Variants in CAVIN4 observed in about 807,000 individuals in gnomAD.
CAVIN4 encodes caveolae-associated protein 4.
In CAVIN4, 10 loss-of-function variants were observed where a neutral mutation model predicts 18.6. The observed-to-expected ratio is 0.54, with a 90% CI of 0.33 to 0.91. CAVIN4 has a LOEUF of 0.91. Ranked by LOEUF, CAVIN4 falls within the 40% of genes least tolerant of loss-of-function variation. CAVIN4 has a pLI of 0.02. For synonymous variants in CAVIN4, 173 were observed against 164.8 expected (o/e 1.05, Z -0.38); for missense variants, 459 against 440.5 (o/e 1.04, Z -0.38).
At chr9:100,585,632 G>C (rs917386996) in intron 1 of CAVIN4, 133 bp from the exon 2 acceptor site, 3 of 758,264 alleles carry the variant, frequency 4.0e-6, no homozygotes, top group South Asian at 3.1e-5. Context: ...GAAACCCTAA[G>C]AAATGGTAAC....
chr9:100,577,966 G>T, upstream of CAVIN4: 1 of 601,360 alleles, frequency 1.7e-6, no homozygotes. Flanking sequence ...GCTTTGCAAG[G>T]GTTCAGATTG....
intron 1 of CAVIN4, among the ~76,000 whole-genome samples, chr9:100,583,660 T>C (rs531238829): frequency 6.7e-6 from 1 of 149,734 alleles, no homozygotes; most frequent in African/African-American, 2.5e-5. Context: ...TTCATTCATT[T>C]TTTTTAGACA....
At position 100,578,274 on chromosome 9, in the gene CAVIN4, T is replaced by C. The variant is rs760145551; in HGVS notation, c.131T>C (p.Val44Ala). 1.2e-6 allele frequency: 2 copies of C among 1,613,920 alleles called. No homozygotes were observed. Among genetic ancestry groups the C allele is most frequent in the Non-Finnish European group, 8.5e-7 (1 of 1,179,996 alleles). The change falls in exon 1 of 2, where the codon GTG becomes GCG. Residue 44 changes from valine to alanine, a missense_variant. Val to Ala is a moderately conservative substitution (Grantham distance 64). Transcript: ENST00000307584. ...VTVLDKVASI[V>A]DSVQASQKRI... is the part of the protein sequence containing the mutation. ...GTGCTGGACAAAGTAGCCTCCATCG[T>C]GGACAGTGTGCAGGCAAGCCAGAAG... is the stretch of plus-strand genomic sequence containing the variant.
In CAVIN4 at chr9:100,585,939, A is replaced by G; in HGVS notation, c.583A>G (p.Ile195Val). ...GCTTAGGAAGTCAGGCAAGGAGCAC[A>G]TTGATAATATCAAGAAGGCATTTTC... ...ARLRKSGKEH[I>V]DNIKKAFSKE... The change falls in exon 2 of 2, where the codon ATT becomes GTT. Residue 195 changes from isoleucine (I) to valine (V), a missense_variant. By Grantham distance (29) the Ile-to-Val change is conservative. Transcript: ENST00000307584. The G allele has an allele frequency of 6.2e-7, 1 of 1,614,188 alleles. No homozygotes were observed. The highest frequency in any genetic ancestry group is 8.5e-7 in the Non-Finnish European group (1 of 1,180,044).
At chr9:100,582,081 A>AT (rs1352236164) in intron 1 of CAVIN4, among the ~76,000 whole-genome samples, 1 of 152,284 alleles carries the variant, frequency 6.6e-6, no homozygotes, top group East Asian at 1.9e-4. Flanking sequence ...ATATTTATAT[A>AT]TTTTTTGATT....
In CAVIN4 at chr9:100,582,851, A is replaced by G. The variant is rs561716647; in HGVS notation, c.409-2914A>G. Among the ~76,000 whole-genome samples the G allele has an allele frequency of 5.3e-5, 8 of 152,344 alleles. No homozygotes were observed. The South Asian group carries it at 1.7e-3, about 32-fold the overall frequency. ...TGACAGCAAGACCTAACTTGACCTG[A>G]AATTATTCAGTGGAAAAACCTGACC... On this transcript the variant is annotated intron_variant, in intron 1 of 1. Coordinates refer to ENST00000307584, the MANE Select transcript of CAVIN4 (RefSeq NM_001018116.2).
rs183152065 is a variant in CAVIN4 at position 100,582,801 on chromosome 9, T to G, written c.409-2964T>G. Among the ~76,000 whole-genome samples, 306 of 152,306 alleles carry G rather than the reference T, an allele frequency of 2.0e-3. 2 individuals are homozygous for G. Among genetic ancestry groups the G allele is most frequent in the Non-Finnish European group, 3.6e-3 (242 of 68,024 alleles). Reference sequence around the variant, plus strand: ...TGTAACACCCATATTCAAAAATTCTTTAAAATATTTTTTAATAACATATTT... The same window carrying G: ...TGTAACACCCATATTCAAAAATTCTGTAAAATATTTTTTAATAACATATTT... On this transcript the variant is annotated intron_variant, in intron 1 of 1. Coordinates refer to ENST00000307584, the MANE Select transcript of CAVIN4 (RefSeq NM_001018116.2).
chr9:100,586,378 A>T lies in CAVIN4; in HGVS notation c.1022A>T (p.Lys341Ile), dbSNP rs746409931. 6.2e-7 allele frequency: 1 copy of T among 1,614,106 alleles called. No individual in the cohort carries two copies. The highest frequency in any genetic ancestry group is 8.5e-7 in the Non-Finnish European group (1 of 1,180,016). Reference sequence around the variant, plus strand: ...GAAATCCCCACCCCCGAGCCTTTAAAAGTTACTTTTAAATCTCAGGTGAAA... The same window carrying T: ...GAAATCCCCACCCCCGAGCCTTTAATAGTTACTTTTAAATCTCAGGTGAAA... ...GREIPTPEPL[K>I]VTFKSQVKVE... Residue 341 changes from lysine (K) to isoleucine (I), a missense_variant, in exon 2 of 2, where the codon AAA (lysine) becomes ATA (isoleucine). Physicochemically the swap from Lys to Ile is moderately radical, Grantham distance 102. Transcript: ENST00000307584.
At chr9:100,577,197 G>A (rs1839366809), upstream of CAVIN4, 1 of 152,484 alleles carries the variant, frequency 6.6e-6, no homozygotes, top group Non-Finnish European at 1.5e-5. Flanking sequence ...TAGTAATGAT[G>A]GAACAGATCA....
rs1839475929 is a variant in CAVIN4 at position 100,586,172 on chromosome 9, C to T, written c.816C>T (p.Arg272=). The T allele has an allele frequency of 1.3e-6, 2 of 1,562,052 alleles. No individual in the cohort carries two copies. The highest frequency in any genetic ancestry group is 2.7e-5 in the African/African-American group (2 of 72,962). Residue 272 remains arginine, a synonymous_variant, in exon 2 of 2, where the codon CGC becomes CGT. Transcript: ENST00000307584. ...CCTCAAAGGAAGCTTTTAAGATGCG[C>T]AGCCTCAGGAAAGGTAAGGACCGAA... The part of the protein sequence containing the change: ...AAPSKEAFKM[R]SLRKGKDRTV...
At chr9:100,579,655 T>C (rs537363498) in intron 1 of CAVIN4, among the ~76,000 whole-genome samples, 1 of 152,332 alleles carries the variant, frequency 6.6e-6, no homozygotes, top group Admixed American at 6.5e-5. Context: ...AAATCAGGAA[T>C]GTGTGTAGGA....
chr9:100,581,843 C>G (rs1839433927), intron 1 of CAVIN4, among the ~76,000 whole-genome samples: 1 of 152,138 alleles, frequency 6.6e-6, no homozygotes, highest in Admixed American at 6.5e-5. Flanking sequence ...GCTGAAGCTA[C>G]TCCCTGCAGC....
chr9:100,580,257 G>A (rs1839414254), intron 1 of CAVIN4, among the ~76,000 whole-genome samples: 1 of 152,068 alleles, frequency 6.6e-6, no homozygotes, highest in Admixed American at 6.6e-5. Flanking sequence ...TTGTGCCACT[G>A]CACTCCAGCG....
At chr9:100,582,339 TCTCTC>T (rs1564033357) in intron 1 of CAVIN4, among the ~76,000 whole-genome samples, 2 of 151,414 alleles carry the variant, frequency 1.3e-5, no homozygotes, top group African/African-American at 4.8e-5. Context: ...GACCTCTTTC[TCTCTC>T]TCTCTCTCTC....
In CAVIN4 at chr9:100,585,825, CAAG is replaced by C; in HGVS notation, c.474_476del (p.Glu159del). On this transcript the variant is annotated inframe_deletion, in exon 2 of 2. Transcript: ENST00000307584. ...TAAAGACAGAAACCTAACTGAGAACCAAGAAGAGGATGATGATGATATCTTTGA... is the reference window on the plus strand; with the variant it reads ...TAAAGACAGAAACCTAACTGAGAACCAAGAGGATGATGATGATATCTTTGA... 1 of 1,614,082 alleles carries C rather than the reference CAAG, an allele frequency of 6.2e-7. No homozygotes were observed. Among genetic ancestry groups the C allele is most frequent in the East Asian group, 2.2e-5 (1 of 44,866 alleles).
Position 100,580,864 on chromosome 9 carries a change from T to C in CAVIN4, c.408+2313T>C, listed in dbSNP as rs540184345. On this transcript the variant is annotated intron_variant, in intron 1 of 1. Coordinates refer to ENST00000307584, the MANE Select transcript of CAVIN4 (RefSeq NM_001018116.2). ...AAGAATAATGGACATAGAACTCTGA[T>C]TCAAAGATTCATTAGATGTTAGAAA... 2.7e-3 allele frequency among the ~76,000 whole-genome samples: 415 copies of C among 152,346 alleles called. 1 individual carries two copies. Among genetic ancestry groups the C allele is most frequent in the Middle Eastern group, 6.8e-3 (2 of 294 alleles).
At chr9:100,583,835 C>CT (rs1839451452) in intron 1 of CAVIN4, among the ~76,000 whole-genome samples, 1 of 152,086 alleles carries the variant, frequency 6.6e-6, no homozygotes, top group African/African-American at 2.4e-5. Flanking sequence ...TTAGTAGAGA[C>CT]TATTTTGCCA....
Position 100,578,440 on chromosome 9 carries a change from C to T in CAVIN4, c.297C>T (p.His99=), listed in dbSNP as rs779220367. ...AGAAAACCCGAAAAGTTAGTGCTCA[C>T]ATTAAAGATGTGAAAGCCCGGGTGG... ...LFEKTRKVSA[H]IKDVKARVEK... Residue 99 remains histidine (H), a synonymous_variant, in exon 1 of 2, where the codon CAC becomes CAT. Coordinates refer to ENST00000307584, the MANE Select transcript of CAVIN4 (RefSeq NM_001018116.2). The T allele has an allele frequency of 6.2e-7, 1 of 1,614,042 alleles. No individual in the cohort carries two copies. Among genetic ancestry groups the T allele is most frequent in the South Asian group, 1.1e-5 (1 of 91,084 alleles).
At chr9:100,581,955 A>T (rs1051838488) in intron 1 of CAVIN4, among the ~76,000 whole-genome samples, 5 of 152,196 alleles carry the variant, frequency 3.3e-5, no homozygotes, top group Admixed American at 3.3e-4. Flanking sequence ...AGACTCTCTA[A>T]TCCTATAGCC....
Sources: allele counts gnomAD v4.1 joint callset (sites outside exome capture counted in the v4.1 genomes callset), GRCh38; gene constraint gnomAD v4.1.1; transcripts MANE v1.5; gene names NCBI Gene and HGNC (gene_info 2026-07-23, HGNC 2026-07-21).